Variants in TGM4 observed in about 807,000 individuals in gnomAD.
The protein encoded by TGM4 is transglutaminase 4.
Under a neutral mutation model 76.3 loss-of-function variants are expected in TGM4, and 61 were observed. The observed-to-expected ratio is 0.80, with a 90% CI of 0.65 to 0.99. The LOEUF (loss-of-function observed/expected upper bound fraction) is 0.99. TGM4 is among the 50% of genes least tolerant of loss of function. The pLI, the probability that TGM4 is intolerant of heterozygous loss-of-function variation, is 0.00. For missense variants in TGM4, 794 were observed against 843.2 expected, an observed-to-expected ratio of 0.94 and a Z score of 0.72; for synonymous variants, 337 against 329.8, an observed-to-expected ratio of 1.02 and a Z score of -0.24.
intron 6 of TGM4, 98 bp from the exon 7 acceptor site, chr3:44,901,426 T>G (rs1575723293): frequency 2.9e-6 from 4 of 1,380,438 alleles, no homozygotes; most frequent in East Asian, 2.5e-5. Context: ...TGAGACATTA[T>G]GAGGTGTCCA....
chr3:44,886,811 A>G (rs1465949028), intron 2 of TGM4, among the ~76,000 whole-genome samples: 1 of 152,246 alleles, frequency 6.6e-6, no homozygotes, highest in East Asian at 1.9e-4. Context: ...GCAGTAAACA[A>G]ACAAAAGTGC....
At chr3:44,884,614 C>A (rs960239662) in intron 1 of TGM4, among the ~76,000 whole-genome samples, 1 of 152,094 alleles carries the variant, frequency 6.6e-6, no homozygotes, top group South Asian at 2.1e-4. Flanking sequence ...GGATTAGAGG[C>A]GTGAACCACT....
At position 44,887,703 on chromosome 3, in the gene TGM4, A is replaced by G. The variant is rs200171778; in HGVS notation, c.208A>G (p.Ile70Val). The G allele has an allele frequency of 1.2e-4, 200 of 1,614,000 alleles. 2 individuals are homozygous for G. The South Asian group carries it at 1.6e-3, about 13-fold the overall frequency. ...LEFSTGPNPS[I>V]AKHTLVVLDP... ...GGTGTCTCCAGGGCCGAATCCTAGC[A>G]TCGCCAAACACACCCTGGTGGTGCT... The change falls in exon 3 of 14, where the codon ATC (isoleucine) becomes GTC (valine). Residue 70 changes from isoleucine to valine, a missense_variant. Ile to Val is a conservative substitution (Grantham distance 29, BLOSUM62 3). Transcript: ENST00000296125.
intron 6 of TGM4, among the ~76,000 whole-genome samples, chr3:44,897,192 G>C (rs950956208): frequency 1.3e-5 from 2 of 151,720 alleles, no homozygotes; most frequent in African/African-American, 2.4e-5. Context: ...TTTTAGTAGA[G>C]ACGGGGTTTC....
At chr3:44,900,706 T>C (rs1026659698) in intron 6 of TGM4, 5 of 152,254 alleles carry the variant, frequency 3.3e-5, no homozygotes, top group African/African-American at 1.2e-4. Flanking sequence ...TTTGTGACTG[T>C]GTCACCTTTC....
intron 1 of TGM4, among the ~76,000 whole-genome samples, chr3:44,883,248 C>T (rs1360723807): frequency 6.6e-6 from 1 of 152,128 alleles, no homozygotes; most frequent in Non-Finnish European, 1.5e-5. Context: ...ATATGTCTCC[C>T]CCTAAAATTC....
chr3:44,893,809 G>A (rs1279518513), intron 5 of TGM4, 114 bp downstream of exon 5: 6 of 947,952 alleles, frequency 6.3e-6, no homozygotes, highest in African/African-American at 1.6e-5. Flanking sequence ...CGGGTCAAAC[G>A]CCAGCCTCAT....
At chr3:44,877,229 T>C (rs887906769) in intron 1 of TGM4, among the ~76,000 whole-genome samples, 1 of 152,110 alleles carries the variant, frequency 6.6e-6, no homozygotes, top group Non-Finnish European at 1.5e-5. Context: ...GGCAGATCAC[T>C]TGAGATCAGA....
Position 44,904,254 on chromosome 3 carries a change from C to T in TGM4, c.1075+267C>T, listed in dbSNP as rs533319810. On this transcript the variant is annotated intron_variant, in intron 9 of 13. Transcript: ENST00000296125. ...TAAGGGTTCCCTACTGCATACCATG[C>T]GCAGTACCTACATGATCCATTTTAC... is the stretch of plus-strand genomic sequence containing the variant. Among the ~76,000 whole-genome samples the T allele has an allele frequency of 8.5e-5, 13 of 152,134 alleles. No homozygotes were observed. The East Asian group carries it at 9.7e-4, about 11-fold the overall frequency.
Position 44,911,310 on chromosome 3 carries a change from A to C in TGM4, c.1817A>C (p.Asn606Thr). 6.2e-7 allele frequency: 1 copy of C among 1,614,220 alleles called. No homozygotes were observed. Among genetic ancestry groups the C allele is most frequent in the Non-Finnish European group, 8.5e-7 (1 of 1,180,040 alleles). Residue 606 changes from asparagine (N) to threonine (T), a missense_variant, in exon 13 of 14, where the codon AAT (asparagine) becomes ACT (threonine). Transcript: ENST00000296125. The stretch of plus-strand genomic sequence containing the variant: ...AGAATTGGCCAGCTACTTGTCTGCA[A>C]TTGTATCTTCAAGAATACCCTGGCC... ...TGRIGQLLVC[N>T]CIFKNTLAIP... is the part of the protein sequence containing the mutation.
intron 1 of TGM4, among the ~76,000 whole-genome samples, chr3:44,879,263 CTCTA>C (rs200160982): frequency 0.12 from 11,080 of 95,686 alleles, 541 homozygotes; most frequent in East Asian, 0.36. Context: ...CTCTCTCTCT[CTCTA>C]TATATATATA....
rs1699935141 is a variant in TGM4, at chr3:44,907,192, A to G, written c.1319A>G (p.Tyr440Cys). ...AGAGATATCACCTATGAGTACAAGT[A>G]TCCAGAAGGTGCTAGCATCACAGGG... ...RRRDITYEYK[Y>C]PEGSSEERQV... The change falls in exon 10 of 14, where the codon TAT (tyrosine) becomes TGT (cysteine). Residue 440 changes from tyrosine (Y) to cysteine (C), a missense_variant. Coordinates refer to ENST00000296125, the MANE Select transcript of TGM4 (RefSeq NM_003241.4). The G allele has an allele frequency of 6.2e-7, 1 of 1,613,712 alleles. No homozygotes were observed. Among genetic ancestry groups the G allele is most frequent in the Admixed American group, 1.7e-5 (1 of 59,956 alleles).
At chr3:44,895,553 G>A (rs984191440) in intron 5 of TGM4, among the ~76,000 whole-genome samples, 1 of 152,130 alleles carries the variant, frequency 6.6e-6, no homozygotes, top group Non-Finnish European at 1.5e-5. Context: ...TGGAGAGGGA[G>A]GTGGGTGGAT....
chr3:44,910,822 AAG>A (rs1262700907), intron 11 of TGM4, 134 bp from the exon 12 acceptor site: 2 of 972,952 alleles, frequency 2.1e-6, no homozygotes, highest in Non-Finnish European at 1.5e-6. Context: ...TTGTTTTCTA[AAG>A]AGAGTATGGG....
chr3:44,908,275 A>C (rs570482476), intron 10 of TGM4, among the ~76,000 whole-genome samples: 1 of 152,368 alleles, frequency 6.6e-6, no homozygotes, highest in African/African-American at 2.4e-5. Flanking sequence ...CCAAGCTCAG[A>C]AATTCCTGTC....
chr3:44,887,660 G>T (rs1036957816), intron 2 of TGM4, 29 bp from the exon 3 acceptor site: 5 of 1,608,828 alleles, frequency 3.1e-6, no homozygotes, highest in Non-Finnish European at 4.2e-6. Flanking sequence ...CCCATGGCTG[G>T]GCCAATGTTT....
At chr3:44,879,409 C>A (rs1699500348) in intron 1 of TGM4, among the ~76,000 whole-genome samples, 1 of 151,324 alleles carries the variant, frequency 6.6e-6, no homozygotes, top group Admixed American at 6.6e-5. Context: ...CCGGTTCAAG[C>A]AATTCTTCTG....
chr3:44,893,501 A>G (rs2125753051), intron 4 of TGM4, 76 bp from the exon 5 acceptor site: 1 of 1,266,766 alleles, frequency 7.9e-7, no homozygotes, highest in East Asian at 2.3e-5. Flanking sequence ...CCCCCAGCAC[A>G]GACAGTCCCC....
rs571765280 is a variant in TGM4, at chr3:44,887,460, C to T, written c.194-229C>T. 1.8e-4 allele frequency among the ~76,000 whole-genome samples: 28 copies of T among 152,146 alleles called. No homozygotes were observed. The South Asian group carries it at 5.2e-3, about 28-fold the overall frequency. On this transcript the variant is annotated intron_variant, in intron 2 of 13. Transcript: ENST00000296125. ...GGATCTGATGGGTAAAAAGGGAGGA[C>T]GTGGAGAGGAGGCAGGAAGCTCATC...
Sources: allele counts gnomAD v4.1 joint callset (sites outside exome capture counted in the v4.1 genomes callset), GRCh38; gene constraint gnomAD v4.1.1; transcripts MANE v1.5; gene names NCBI Gene and HGNC (gene_info 2026-07-23, HGNC 2026-07-21).